ULK4: variants seen among roughly 807,000 people sequenced by gnomAD.
ULK4 encodes the protein inactive serine/threonine-protein kinase ULK4.
Under a neutral mutation model 160.6 loss-of-function variants are expected in ULK4, and 133 were observed. The observed-to-expected ratio is 0.83, with a 90% CI of 0.72 to 0.96. The LOEUF is 0.96. ULK4 is among the 40% of genes least tolerant of loss of function. The pLI is 0.00. For missense variants in ULK4, 1,580 were observed against 1,499.5 expected (o/e 1.05, Z -0.89); for synonymous variants, 534 against 539.8 (o/e 0.99, Z 0.15).
At chr3:41,437,640 A>T (rs541705849) in intron 34 of ULK4, among the ~76,000 whole-genome samples, 2 of 152,176 alleles carry the variant, frequency 1.3e-5, no homozygotes, top group African/African-American at 4.8e-5. Flanking sequence ...GCTCCACCTC[A>T]TGAACACTAA....
intron 17 of ULK4, among the ~76,000 whole-genome samples, chr3:41,862,749 C>T (rs1428672615): frequency 6.6e-6 from 1 of 151,736 alleles, no homozygotes; most frequent in Non-Finnish European, 1.5e-5. Context: ...CCCGAACATA[C>T]AGAGTCAGTC....
At chr3:41,751,450 T>C (rs2038624244) in intron 22 of ULK4, among the ~76,000 whole-genome samples, 1 of 152,138 alleles carries the variant, frequency 6.6e-6, no homozygotes, top group African/African-American at 2.4e-5. Flanking sequence ...GAGCCTACCT[T>C]ACCTCCCCTG....
intron 18 of ULK4, among the ~76,000 whole-genome samples, chr3:41,830,028 A>C (rs28652776): frequency 0.27 from 40,249 of 150,502 alleles, 6,409 homozygotes; most frequent in African/African-American, 0.45. Context: ...CCATCATTCT[A>C]AGCAAACTAT....
At position 41,374,720 on chromosome 3, in the gene ULK4, C is replaced by G. The variant is rs183752236; in HGVS notation, c.3678+23359G>C. On this transcript the variant is annotated intron_variant, in intron 35 of 36. Transcript: ENST00000301831. The stretch of plus-strand genomic sequence containing the variant: ...AAAGCTGGAATCATTCCTTTGAAAA[C>G]TGGCACAAGACAATGATGCCCTCTC... Among the ~76,000 whole-genome samples the G allele has an allele frequency of 1.9e-3, 288 of 152,286 alleles. 2 individuals carry two copies. Among genetic ancestry groups the G allele is most frequent in the African/African-American group, 6.5e-3 (269 of 41,558 alleles).
rs138572874 is a variant in ULK4, at chr3:41,812,055, G to A, written c.1848+7368C>T. ...CCTTCCAGCGCTTTGGGAAGCCAGG[G>A]CAGGAGGATCACTTAAGCCAGTAGT... On this transcript the variant is annotated intron_variant, in intron 19 of 36. Transcript: ENST00000301831. Among the ~76,000 whole-genome samples, 135 of 152,208 alleles carry A rather than the reference G, an allele frequency of 8.9e-4. No homozygotes were observed. In the East Asian group the frequency reaches 8.9e-3, roughly 10 times the overall value.
chr3:41,528,845 A>C (rs2125938289), intron 32 of ULK4, among the ~76,000 whole-genome samples: 1 of 152,244 alleles, frequency 6.6e-6, no homozygotes, highest in East Asian at 1.9e-4. Flanking sequence ...GTTGTCCAAG[A>C]AAGAAGGCAT....
At chr3:41,511,401 C>T (rs1233787494) in intron 32 of ULK4, among the ~76,000 whole-genome samples, 1 of 151,738 alleles carries the variant, frequency 6.6e-6, no homozygotes, top group Non-Finnish European at 1.5e-5. Flanking sequence ...GTGAGATTAA[C>T]CAAGAAAAGA....
intron 31 of ULK4, among the ~76,000 whole-genome samples, chr3:41,596,006 A>C (rs1419860455): frequency 6.6e-6 from 1 of 152,222 alleles, no homozygotes. Context: ...CAACAGCAGA[A>C]GACCTTACAA....
chr3:41,420,868 C>T (rs13084515), intron 34 of ULK4, among the ~76,000 whole-genome samples: 1 of 148,620 alleles, frequency 6.7e-6, no homozygotes, highest in Non-Finnish European at 1.5e-5. Context: ...AATCCCAAAA[C>T]TTTGGGAAGC....
chr3:41,920,041 G>A (rs1194746026), intron 5 of ULK4, among the ~76,000 whole-genome samples: 1 of 152,206 alleles, frequency 6.6e-6, no homozygotes, highest in Non-Finnish European at 1.5e-5. Context: ...CTACCTGAGA[G>A]GTATGGCACA....
At chr3:41,469,623 A>AC (rs2083924083) in intron 32 of ULK4, among the ~76,000 whole-genome samples, 1 of 148,834 alleles carries the variant, frequency 6.7e-6, no homozygotes, top group Admixed American at 6.7e-5. Context: ...AAAAAAAAAA[A>AC]AAAACACCTT....
At chr3:41,692,999 G>C (rs2036361540) in intron 27 of ULK4, among the ~76,000 whole-genome samples, 1 of 152,206 alleles carries the variant, frequency 6.6e-6, no homozygotes, top group Non-Finnish European at 1.5e-5. Context: ...GGACATTTAA[G>C]CTAAATAATA....
intron 16 of ULK4, among the ~76,000 whole-genome samples, chr3:41,886,501 T>C (rs1224174533): frequency 6.6e-6 from 1 of 151,812 alleles, no homozygotes; most frequent in East Asian, 1.9e-4. Flanking sequence ...TCAGTAGAAT[T>C]AGGCTAAACT....
At chr3:41,465,679 T>C (rs2083815162) in intron 32 of ULK4, among the ~76,000 whole-genome samples, 1 of 152,220 alleles carries the variant, frequency 6.6e-6, no homozygotes, top group African/African-American at 2.4e-5. Flanking sequence ...GTCCTGTAAA[T>C]TGGTAATTGC....
chr3:41,663,725 A>G (rs762152723), intron 29 of ULK4, 26 bp from the exon 30 acceptor site: 9 of 1,589,970 alleles, frequency 5.7e-6, no homozygotes, highest in Middle Eastern at 1.7e-4. Flanking sequence ...CATTTAAAAA[A>G]TACTCAGTAG....
chr3:41,821,118 C>T (rs941438459), intron 18 of ULK4, among the ~76,000 whole-genome samples: 18 of 152,168 alleles, frequency 1.2e-4, no homozygotes, highest in African/African-American at 4.3e-4. Context: ...CTTAGAATCC[C>T]GTACCCATCA....
intron 32 of ULK4, among the ~76,000 whole-genome samples, chr3:41,518,210 A>T (rs1221017800): frequency 6.6e-6 from 1 of 152,216 alleles, no homozygotes; most frequent in East Asian, 1.9e-4. Flanking sequence ...ACTGGATTAA[A>T]TCCAACATTT....
chr3:41,485,368 C>T (rs1235921230), intron 32 of ULK4, among the ~76,000 whole-genome samples: 4 of 152,106 alleles, frequency 2.6e-5, no homozygotes, highest in African/African-American at 7.2e-5. Context: ...GAAAGGAAAG[C>T]GGGAATGCTT....
intron 34 of ULK4, among the ~76,000 whole-genome samples, chr3:41,448,130 T>C (rs2125864209): frequency 6.6e-6 from 1 of 152,274 alleles, no homozygotes; most frequent in Non-Finnish European, 1.5e-5. Context: ...AGCAAACCGA[T>C]ATGGCTCCTG....
Sources: allele counts gnomAD v4.1 joint callset (sites outside exome capture counted in the v4.1 genomes callset), GRCh38; gene constraint gnomAD v4.1.1; transcripts MANE v1.5; gene names NCBI Gene and HGNC (gene_info 2026-07-23, HGNC 2026-07-21).